IQCH: variants seen among roughly 807,000 people sequenced by gnomAD.
IQCH encodes the protein IQ motif containing H.
A neutral mutation model predicts 117.0 loss-of-function variants in IQCH; 98 were observed. The ratio of observed to expected loss-of-function variants is 0.84; its 90% confidence interval spans 0.71 to 0.99. The LOEUF is 0.99. Ranked by LOEUF, IQCH falls within the 50% of genes least tolerant of loss-of-function variation. The pLI, the probability that IQCH is intolerant of heterozygous loss-of-function variation, is 0.00. For missense variants in IQCH, 1,102 were observed against 1,243.8 expected (o/e 0.89, Z 1.72); for synonymous variants, 412 against 448.2 (o/e 0.92, Z 1.02).
rs1202660889 is a variant in IQCH at position 67,462,341 on chromosome 15, T to C, written c.2506-2786T>C. Among the ~76,000 whole-genome samples the C allele has an allele frequency of 2.0e-5, 3 of 151,380 alleles. No individual in the cohort carries two copies. The South Asian group carries it at 6.3e-4, about 32-fold the overall frequency. The stretch of plus-strand genomic sequence containing the variant: ...CTACTCCGGAGGCTGAGGCAGAGAA[T>C]TGCTTGAACCCGGGAGGCAGAGGTT... On this transcript the variant is annotated intron_variant, in intron 16 of 20. Transcript: ENST00000335894.
intron 4 of IQCH, among the ~76,000 whole-genome samples, chr15:67,310,390 T>G (rs1280607085): frequency 1.3e-5 from 2 of 152,062 alleles, no homozygotes; most frequent in Non-Finnish European, 2.9e-5. Context: ...AGTCATATTT[T>G]GAAATTCAGA....
chr15:67,258,213 C>T (rs1430832519), intron 1 of IQCH, among the ~76,000 whole-genome samples: 1 of 141,822 alleles, frequency 7.1e-6, no homozygotes, highest in Non-Finnish European at 1.5e-5. Context: ...ACACAGCAAG[C>T]AGCACAGCGA....
intron 4 of IQCH, among the ~76,000 whole-genome samples, chr15:67,299,823 A>G (rs1966933915): frequency 6.6e-6 from 1 of 152,086 alleles, no homozygotes; most frequent in Non-Finnish European, 1.5e-5. Context: ...TGCTGTACCC[A>G]GTGCCTGTGT....
At chr15:67,281,578 A>C (rs2140478946) in intron 4 of IQCH, 1 of 394,824 alleles carries the variant, frequency 2.5e-6, no homozygotes, top group East Asian at 7.3e-5. Flanking sequence ...TAGATGGCAA[A>C]TGTTTCTTTT....
chr15:67,329,501 T>C lies in IQCH; in HGVS notation c.388-7474T>C, dbSNP rs531239359. ...AAAGTATCATGATATAGAAACCAGG[T>C]CTGTCTGTCACTCAGGCTGGAATGT... On this transcript the variant is annotated intron_variant, in intron 4 of 20. Transcript: ENST00000335894. Among the ~76,000 whole-genome samples the C allele has an allele frequency of 3.9e-5, 6 of 152,154 alleles. 1 individual carries two copies. The South Asian group carries it at 1.2e-3, about 32-fold the overall frequency.
Position 67,395,142 on chromosome 15 carries a change from C to T in IQCH, c.1633-149C>T. On this transcript the variant is annotated intron_variant, in intron 12 of 20. Transcript: ENST00000335894. This position sits in a 1 kb window ranked among gnomAD's most constrained non-coding sequence, Gnocchi z 4.0. ...CGATTATGGAACCTCACCCCAACAG[C>T]TTTTATCAATTTAAACTGCTAAACA... 1 of 850,488 alleles carries T rather than the reference C, an allele frequency of 1.2e-6. No individual in the cohort carries two copies. Among genetic ancestry groups the T allele is most frequent in the Non-Finnish European group, 1.8e-6 (1 of 550,276 alleles). 52.7% of individuals were successfully genotyped at this position (850,488 alleles called of 1,614,324 possible). A position where few individuals can be genotyped will look rare whatever the true frequency, so the allele number is the denominator to read the frequency against.
chr15:67,421,433 C>T lies in IQCH; in HGVS notation c.2361C>T (p.Thr787=). Residue 787 remains threonine (T), a synonymous_variant, in exon 16 of 21, where the codon ACC becomes ACT. Coordinates refer to ENST00000335894, the MANE Select transcript of IQCH (RefSeq NM_001031715.3). ...AAAGCCCCTTCATCTCCTCTGGTACCACCGTGCCTCAGACCTCAGTGGATC... is the reference window on the plus strand; with the variant it reads ...AAAGCCCCTTCATCTCCTCTGGTACTACCGTGCCTCAGACCTCAGTGGATC... ...HAESPFISSG[T]TVPQTSVDPQ... is the part of the protein sequence containing the mutation. 6.2e-7 allele frequency: 1 copy of T among 1,614,184 alleles called. No individual in the cohort carries two copies. The highest frequency in any genetic ancestry group is 8.5e-7 in the Non-Finnish European group (1 of 1,180,024).
At chr15:67,283,015 A>C (rs1038092774) in intron 4 of IQCH, among the ~76,000 whole-genome samples, 3 of 152,200 alleles carry the variant, frequency 2.0e-5, no homozygotes, top group Non-Finnish European at 1.5e-5. Flanking sequence ...ATCAGTGATG[A>C]AATATCAGTA....
Position 67,302,280 on chromosome 15 carries a change from A to G in IQCH, c.387+22768A>G, listed in dbSNP as rs935804548. On this transcript the variant is annotated intron_variant, in intron 4 of 20. Transcript: ENST00000335894. ...TACAATACATATTAGCAATTTCCCA[A>G]TCCTTGGTAGAATAGAAATTATTCT... Among the ~76,000 whole-genome samples, 3 of 152,154 alleles carry G rather than the reference A, an allele frequency of 2.0e-5. No individual in the cohort carries two copies. The South Asian group carries it at 6.2e-4, about 32-fold the overall frequency.
At chr15:67,318,271 C>T (rs1967944919) in intron 4 of IQCH, among the ~76,000 whole-genome samples, 1 of 151,958 alleles carries the variant, frequency 6.6e-6, no homozygotes. Context: ...CTTTCTTTCT[C>T]TTCTCCCTCT....
Position 67,388,053 on chromosome 15 carries a change from A to G in IQCH, c.1457-778A>G, listed in dbSNP as rs1203218653. 6.6e-6 allele frequency among the ~76,000 whole-genome samples: 1 copy of G among 152,214 alleles called. No individual in the cohort carries two copies. Among genetic ancestry groups the G allele is most frequent in the Admixed American group, 6.6e-5 (1 of 15,266 alleles). ...AGTCAGCTATTTTGTGAATGAATGG[A>G]TGAACAAATGAATGACTTCATTGAC... On this transcript the variant is annotated intron_variant, in intron 11 of 20. Coordinates refer to ENST00000335894, the MANE Select transcript of IQCH (RefSeq NM_001031715.3). The surrounding 1 kb of genome is among the most constrained non-coding windows in gnomAD (Gnocchi z 5.5).
intron 4 of IQCH, among the ~76,000 whole-genome samples, chr15:67,308,013 C>T (rs1354041902): frequency 6.6e-6 from 1 of 152,118 alleles, no homozygotes; most frequent in Non-Finnish European, 1.5e-5. Flanking sequence ...ATCAGCATTC[C>T]TTGACAAAAC....
intron 6 of IQCH, among the ~76,000 whole-genome samples, chr15:67,345,953 G>A (rs1162068510): frequency 1.3e-5 from 2 of 152,040 alleles, no homozygotes; most frequent in Admixed American, 6.5e-5. Context: ...CAACTTTTCT[G>A]TATCTAAAAT....
At chr15:67,277,771 G>C (rs1966189846) in intron 3 of IQCH, among the ~76,000 whole-genome samples, 1 of 151,994 alleles carries the variant, frequency 6.6e-6, no homozygotes, top group African/African-American at 2.4e-5. Flanking sequence ...CTGACCTCAT[G>C]ATCCACCCGC....
chr15:67,315,692 A>T (rs1056512539), intron 4 of IQCH, among the ~76,000 whole-genome samples: 1 of 152,156 alleles, frequency 6.6e-6, no homozygotes, highest in Non-Finnish European at 1.5e-5. Context: ...CTGCTATGAA[A>T]TACCACTCGC....
chr15:67,382,726 C>T (rs1014816744), intron 10 of IQCH, among the ~76,000 whole-genome samples: 2 of 152,126 alleles, frequency 1.3e-5, no homozygotes, highest in Non-Finnish European at 2.9e-5. Context: ...AGTTTCCTTA[C>T]CTATAATATG....
At chr15:67,304,335 T>A (rs956391333) in intron 4 of IQCH, 1 of 1,468,400 alleles carries the variant, frequency 6.8e-7, no homozygotes, top group Non-Finnish European at 9.2e-7. Flanking sequence ...TTTCTTTGTT[T>A]CAGCGAAAGA....
intron 4 of IQCH, among the ~76,000 whole-genome samples, chr15:67,284,848 A>G (rs1198139472): frequency 1.2e-4 from 18 of 151,994 alleles, no homozygotes; most frequent in Admixed American, 1.2e-3. Flanking sequence ...TTCTTTATCC[A>G]GTCTATTATT....
chr15:67,339,677 T>C (rs1373684277), intron 5 of IQCH, among the ~76,000 whole-genome samples: 1 of 152,154 alleles, frequency 6.6e-6, no homozygotes, highest in Non-Finnish European at 1.5e-5. Context: ...TTCTAAAACT[T>C]AAAAAAATTC....
Sources: gnomAD v4.1 joint callset for allele counts (sites outside exome capture counted in the v4.1 genomes callset) on GRCh38, gnomAD v4.1.1 for gene constraint, Gnocchi (gnomAD v3.1) non-coding constraint, MANE v1.5 for transcripts, NCBI Gene and HGNC (gene_info 2026-07-23, HGNC 2026-07-21) for gene names.